RORA: variants seen among roughly 807,000 people sequenced by gnomAD.
RORA encodes RAR related orphan receptor A.
RORA carries 7 observed loss-of-function variants against 69.5 expected under a neutral mutation model. The observed-to-expected ratio is 0.10, with a 90% CI of 0.06 to 0.19. The LOEUF is 0.19. Ranked by LOEUF, RORA falls within the 10% of genes least tolerant of loss-of-function variation. The probability of loss-of-function intolerance (pLI) is 1.00; values close to 1 mark genes in which losing one functional copy is unlikely to be tolerated. For missense variants in RORA, 457 were observed against 663.0 expected, an observed-to-expected ratio of 0.69 and a Z score of 3.41; for synonymous variants, 261 against 240.8, an observed-to-expected ratio of 1.08 and a Z score of -0.78.
At chr15:60,708,535 G>A (rs567559207) in intron 1 of RORA, among the ~76,000 whole-genome samples, 28 of 152,220 alleles carry the variant, frequency 1.8e-4, no homozygotes, top group Non-Finnish European at 3.8e-4. Context: ...TGTGTCCCAG[G>A]GTGGGTGGGA....
In RORA at chr15:60,857,979, G is replaced by A. The variant is rs531241875; in HGVS notation, c.167-179293C>T. On this transcript the variant is annotated intron_variant, in intron 1 of 10. Coordinates refer to ENST00000335670, the MANE Select transcript of RORA (RefSeq NM_134261.3). ...GGGTAAGAGTGAGGACTCTGAGATC[G>A]GTCACACTGGGGTTTGCAACCCAAG... is the stretch of plus-strand genomic sequence containing the variant. Among the ~76,000 whole-genome samples, 26 of 152,320 alleles carry A rather than the reference G, an allele frequency of 1.7e-4. 1 individual carries two copies. Among genetic ancestry groups the A allele is most frequent in the Admixed American group, 5.2e-4 (8 of 15,304 alleles).
intron 1 of RORA, among the ~76,000 whole-genome samples, chr15:60,869,508 T>C (rs1436393794): frequency 6.6e-6 from 1 of 152,196 alleles, no homozygotes; most frequent in Non-Finnish European, 1.5e-5. Flanking sequence ...AGAAACATGA[T>C]TGGAAATCTC....
intron 1 of RORA, among the ~76,000 whole-genome samples, chr15:61,184,221 T>G (rs2079716938): frequency 6.6e-6 from 1 of 152,188 alleles, no homozygotes; most frequent in African/African-American, 2.4e-5. Flanking sequence ...TGTCTATCCC[T>G]TCACAACACA....
intron 2 of RORA, among the ~76,000 whole-genome samples, chr15:60,628,331 G>A (rs2069647005): frequency 6.6e-6 from 1 of 152,152 alleles, no homozygotes; most frequent in South Asian, 2.1e-4. Flanking sequence ...TTTGTGTGAT[G>A]TTTTTCTCAT....
intron 3 of RORA, among the ~76,000 whole-genome samples, chr15:60,515,963 T>A (rs2899659): frequency 0.035 from 379 of 10,840 alleles, 85 homozygotes; most frequent in African/African-American, 0.086. Flanking sequence ...ATATTTATAT[T>A]TATATATATT....
At chr15:60,844,927 C>T (rs118000826) in intron 1 of RORA, among the ~76,000 whole-genome samples, 82 of 152,158 alleles carry the variant, frequency 5.4e-4, no homozygotes, top group Admixed American at 1.6e-3. Context: ...GGTTTGTGGC[C>T]AATGAGCCGT....
At chr15:61,134,289 A>AT (rs1238282355) in intron 1 of RORA, among the ~76,000 whole-genome samples, 2 of 152,178 alleles carry the variant, frequency 1.3e-5, no homozygotes, top group African/African-American at 2.4e-5. Context: ...CATCAGTTTG[A>AT]TTTTAAAAAG....
At chr15:61,154,082 T>C (rs2079421795) in intron 1 of RORA, among the ~76,000 whole-genome samples, 1 of 152,114 alleles carries the variant, frequency 6.6e-6, no homozygotes, top group Admixed American at 6.6e-5. Context: ...TCTCCTTCAC[T>C]TTCCAATACC....
At position 60,491,625 on chromosome 15, in the gene RORA, C is replaced by T. The variant is rs1481924756; in HGVS notation, c.*5830G>A. 6.6e-6 allele frequency: 1 copy of T among 151,228 alleles called. No individual in the cohort carries two copies. Among genetic ancestry groups the T allele is most frequent in the Non-Finnish European group, 1.5e-5 (1 of 67,846 alleles). 9.4% of individuals were successfully genotyped at this position (151,228 alleles called of 1,614,324 possible). A position where few individuals can be genotyped will look rare whatever the true frequency, so the allele number is the denominator to read the frequency against. ...GTTGAACATGGAGATCCCCCCCGCC[C>T]ATCTAGGATGGCTACTTGGTGTGAA... On this transcript the variant is annotated 3_prime_UTR_variant, in exon 11 of 11. Transcript: ENST00000335670.
chr15:60,809,450 G>A (rs1161238382), intron 1 of RORA, among the ~76,000 whole-genome samples: 5 of 152,120 alleles, frequency 3.3e-5, no homozygotes, highest in African/African-American at 4.8e-5. Context: ...ATTTCTTATC[G>A]CCAAGGGCAA....
chr15:60,755,159 G>A (rs181261358), intron 1 of RORA, among the ~76,000 whole-genome samples: 101 of 104,144 alleles, frequency 9.7e-4, no homozygotes, highest in Admixed American at 3.7e-3. Context: ...AACAGGCCCC[G>A]GTGTGTGATG....
intron 1 of RORA, among the ~76,000 whole-genome samples, chr15:60,924,939 C>T (rs931138846): frequency 4.6e-5 from 7 of 151,868 alleles, no homozygotes; most frequent in Non-Finnish European, 1.0e-4. Flanking sequence ...ATTAGCTGTG[C>T]GTGGTGGCAC....
intron 1 of RORA, among the ~76,000 whole-genome samples, chr15:61,051,243 T>A (rs1897277040): frequency 1.3e-5 from 2 of 152,118 alleles, no homozygotes; most frequent in Non-Finnish European, 2.9e-5. Flanking sequence ...TCAGAAGGAA[T>A]CTGGAAGGTT....
At chr15:60,791,209 T>A (rs1405564240) in intron 1 of RORA, among the ~76,000 whole-genome samples, 1 of 152,192 alleles carries the variant, frequency 6.6e-6, no homozygotes, top group Admixed American at 6.5e-5. Context: ...CTTCCCTAGG[T>A]CATCTCATCT....
chr15:60,938,656 A>C lies in RORA; in HGVS notation c.167-259970T>G, dbSNP rs554745759. 9.1e-4 allele frequency among the ~76,000 whole-genome samples: 139 copies of C among 152,334 alleles called. 2 individuals carry two copies. The highest frequency in any genetic ancestry group is 3.1e-3 in the African/African-American group (129 of 41,588). On this transcript the variant is annotated intron_variant, in intron 1 of 10. Transcript: ENST00000335670. ...AGGGAAACACTCACTTAAACATTTT[A>C]AATAAGAGGGAGGCAAGAAGGTTTG...
chr15:60,703,638 A>G (rs1425287), intron 1 of RORA, among the ~76,000 whole-genome samples: 114,296 of 152,076 alleles, frequency 0.75, 43,419 homozygotes, highest in Admixed American at 0.85. Flanking sequence ...ATAGCGATTA[A>G]GTTGATGCCA....
At chr15:60,851,597 G>GGCCCTCTTCTGCT in intron 1 of RORA, among the ~76,000 whole-genome samples, 1 of 152,126 alleles carries the variant, frequency 6.6e-6, no homozygotes, top group Non-Finnish European at 1.5e-5. Context: ...AATAGGGGAA[G>GGCCCTCTTCTGCT]GAGGTAAACC....
rs147714457 is a variant in RORA at position 61,175,714 on chromosome 15, C to T, written c.166+53339G>A. Among the ~76,000 whole-genome samples, 736 of 152,106 alleles carry T rather than the reference C, an allele frequency of 4.8e-3. 6 individuals are homozygous for T. Among genetic ancestry groups the T allele is most frequent in the African/African-American group, 0.017 (689 of 41,482 alleles). On this transcript the variant is annotated intron_variant, in intron 1 of 10. Transcript: ENST00000335670. Reference sequence around the variant, plus strand: ...CCCGGGACACAGAGCAAAACCCAGTCTCGAATAAAATAGAAAGGAAGATGT... The same window carrying T: ...CCCGGGACACAGAGCAAAACCCAGTTTCGAATAAAATAGAAAGGAAGATGT...
chr15:60,592,330 C>T (rs2068549331), intron 2 of RORA: 1 of 1,286,558 alleles, frequency 7.8e-7, no homozygotes, highest in East Asian at 3.3e-5. Context: ...GCGCGCCCTC[C>T]TCCCCGCCCC....
Sources: allele counts gnomAD v4.1 joint callset (sites outside exome capture counted in the v4.1 genomes callset), GRCh38; gene constraint gnomAD v4.1.1; transcripts MANE v1.5; gene names NCBI Gene and HGNC (gene_info 2026-07-23, HGNC 2026-07-21).